SLC14A2: variants seen among roughly 807,000 people sequenced by gnomAD.
SLC14A2 encodes the protein urea transporter 2.
SLC14A2 carries 91 observed loss-of-function variants against 104.6 expected under a neutral mutation model. The ratio of observed to expected loss-of-function variants is 0.87; its 90% CI spans 0.73 to 1.04. The LOEUF (loss-of-function observed/expected upper bound fraction) is 1.04. Ranked by LOEUF, SLC14A2 falls within the 50% of genes least tolerant of loss-of-function variation. The pLI is 0.00. For synonymous variants in SLC14A2, 476 were observed against 466.4 expected, an observed-to-expected ratio of 1.02 and a Z score of -0.27; for missense variants, 1,189 against 1,156.0, an observed-to-expected ratio of 1.03 and a Z score of -0.41.
At chr18:45,200,619 T>C in the SLC14A2 span, among the ~76,000 whole-genome samples, 1 of 152,178 alleles carries the variant, frequency 6.6e-6, no homozygotes, top group Non-Finnish European at 1.5e-5. Flanking sequence ...AACCCTTGGG[T>C]AGAAAGTTAC....
chr18:45,444,712 A>T (rs1489795509), intron 1 of SLC14A2, among the ~76,000 whole-genome samples: 1 of 152,324 alleles, frequency 6.6e-6, no homozygotes, highest in African/African-American at 2.4e-5. Context: ...TAATGGCTGT[A>T]ATCAGAAATC....
At chr18:45,522,878 G>A (rs1474139377) in intron 2 of SLC14A2, among the ~76,000 whole-genome samples, 1 of 152,160 alleles carries the variant, frequency 6.6e-6, no homozygotes, top group Non-Finnish European at 1.5e-5. Flanking sequence ...AGAAGTCAGA[G>A]GCCATTTTGC....
intron 2 of SLC14A2, among the ~76,000 whole-genome samples, chr18:45,487,384 T>C (rs1284386748): frequency 6.6e-6 from 1 of 152,176 alleles, no homozygotes; most frequent in Non-Finnish European, 1.5e-5. Flanking sequence ...CTATCTTGAG[T>C]TCAATGACTT....
At chr18:45,539,208 A>G (rs1218821178) in intron 2 of SLC14A2, among the ~76,000 whole-genome samples, 1 of 19,560 alleles carries the variant, frequency 5.1e-5, no homozygotes, top group Non-Finnish European at 1.1e-4. Flanking sequence ...CAGACAGAGC[A>G]TGAGGTTGCT....
At chr18:45,441,272 G>C (rs1421195) in intron 1 of SLC14A2, among the ~76,000 whole-genome samples, 37,144 of 152,142 alleles carry the variant, frequency 0.24, 4,770 homozygotes, top group South Asian at 0.42. Context: ...CTTTCAAGCA[G>C]AGATTCCAAG....
At chr18:45,642,193 G>T (rs115123979) in intron 8 of SLC14A2, among the ~76,000 whole-genome samples, 1 of 152,206 alleles carries the variant, frequency 6.6e-6, no homozygotes, top group Non-Finnish European at 1.5e-5. Flanking sequence ...GGAAACAGAA[G>T]ACTAGCGTCT....
chr18:45,439,490 T>G (rs2086649810), intron 1 of SLC14A2, among the ~76,000 whole-genome samples: 1 of 152,198 alleles, frequency 6.6e-6, no homozygotes, highest in Non-Finnish European at 1.5e-5. Context: ...GAACAGCTAT[T>G]TATTGCACAT....
intron 1 of SLC14A2, among the ~76,000 whole-genome samples, chr18:45,318,776 A>T (rs1314136816): frequency 6.6e-6 from 1 of 151,654 alleles, no homozygotes; most frequent in Non-Finnish European, 1.5e-5. Flanking sequence ...AACAAGAGCA[A>T]AACTCTGTCT....
intron 1 of SLC14A2, among the ~76,000 whole-genome samples, chr18:45,309,424 A>G (rs963288245): frequency 2.0e-5 from 3 of 151,862 alleles, no homozygotes; most frequent in African/African-American, 7.3e-5. Flanking sequence ...TCCTGGGCTC[A>G]AGCAATCCTC....
chr18:45,537,623 T>A (rs954212521), intron 2 of SLC14A2, among the ~76,000 whole-genome samples: 1 of 152,172 alleles, frequency 6.6e-6, no homozygotes, highest in Non-Finnish European at 1.5e-5. Flanking sequence ...TTCTGTGAAA[T>A]GAGGAAGCCA....
intron 10 of SLC14A2, among the ~76,000 whole-genome samples, chr18:45,658,110 C>T (rs553706585): frequency 1.3e-5 from 2 of 152,250 alleles, no homozygotes; most frequent in African/African-American, 4.8e-5. Flanking sequence ...AGGAAATTGC[C>T]TTGTGGTGTG....
intron 2 of SLC14A2, among the ~76,000 whole-genome samples, chr18:45,552,488 C>A (rs1174543042): frequency 1.3e-5 from 2 of 151,954 alleles, no homozygotes; most frequent in African/African-American, 4.8e-5. Context: ...CAAATACCGA[C>A]TTAGCCCACA....
At chr18:45,655,479 G>A (rs757277670) in intron 10 of SLC14A2, among the ~76,000 whole-genome samples, 42 of 152,178 alleles carry the variant, frequency 2.8e-4, no homozygotes, top group Non-Finnish European at 3.5e-4. Flanking sequence ...ACACCCTTCT[G>A]TGTGGCTACA....
intron 2 of SLC14A2, among the ~76,000 whole-genome samples, chr18:45,544,310 A>G (rs929978971): frequency 1.3e-5 from 2 of 152,178 alleles, no homozygotes; most frequent in African/African-American, 4.8e-5. Context: ...ACTTACATAT[A>G]CATATAATCA....
intron 2 of SLC14A2, among the ~76,000 whole-genome samples, chr18:45,608,151 T>C (rs1433725285): frequency 1.3e-5 from 2 of 152,240 alleles, no homozygotes; most frequent in African/African-American, 4.8e-5. Context: ...ACCAAATGCT[T>C]TTGAATGAAC....
chr18:45,326,465 C>T (rs1344372067), intron 1 of SLC14A2, among the ~76,000 whole-genome samples: 6 of 152,140 alleles, frequency 3.9e-5, no homozygotes, highest in African/African-American at 1.4e-4. Flanking sequence ...AGAGGAAGGA[C>T]TCCAGACTGC....
rs1020128845 is a variant in SLC14A2, at chr18:45,598,618, A to G, written c.-34-26013A>G. Among the ~76,000 whole-genome samples the G allele has an allele frequency of 3.9e-5, 6 of 152,294 alleles. No individual in the cohort carries two copies. The East Asian group carries it at 1.2e-3, about 29-fold the overall frequency. ...AAAGGCATTTTTATGGGCCCCTAAAAATATCTTGGGCTATAGGCATTGTGC... is the reference window on the plus strand; with the variant it reads ...AAAGGCATTTTTATGGGCCCCTAAAGATATCTTGGGCTATAGGCATTGTGC... On this transcript the variant is annotated intron_variant, in intron 2 of 20. Coordinates refer to the SLC14A2 transcript ENST00000586448.
In SLC14A2 at chr18:45,235,817, ATATATATATATATACGTG is replaced by A. The variant is rs1485895686; in HGVS notation, c.-125+22638_-125+22655del. Among the ~76,000 whole-genome samples the A allele has an allele frequency of 3.2e-5, 4 of 124,414 alleles. 1 individual carries two copies. The highest frequency in any genetic ancestry group is 6.8e-5 in the Non-Finnish European group (4 of 58,960). 81.6% of individuals were successfully genotyped at this position (124,414 alleles called of 152,430 possible). On this transcript the variant is annotated intron_variant, in intron 1 of 20. Coordinates refer to the SLC14A2 transcript ENST00000586448. The stretch of plus-strand genomic sequence containing the variant: ...TGCGCGTGTGTGTGTGTGTGTGTAT[ATATATATATATATACGTG>A]TATATATATATGTATATATACATAT...
At position 45,649,326 on chromosome 18, in the gene SLC14A2, C is replaced by T. The variant is rs931148466; in HGVS notation, c.1351+5166C>T. On this transcript the variant is annotated intron_variant, in intron 10 of 19. Transcript: ENST00000255226. ...CCTTTGAAATAATTTCACTATTCTC[C>T]TCCCCAGCGCCCCAGTACCTAAAAT... Among the ~76,000 whole-genome samples, 42 of 152,186 alleles carry T rather than the reference C, an allele frequency of 2.8e-4. 1 individual carries two copies. The highest frequency in any genetic ancestry group is 4.4e-5 in the Non-Finnish European group (3 of 68,046).
Sources: gnomAD v4.1 joint callset for allele counts (sites outside exome capture counted in the v4.1 genomes callset) on GRCh38, gnomAD v4.1.1 for gene constraint, MANE v1.5 for transcripts, NCBI Gene and HGNC (gene_info 2026-07-23, HGNC 2026-07-21) for gene names.